Variants in ANTXR2 observed in about 807,000 individuals in gnomAD.
The protein encoded by ANTXR2 is ANTXR cell adhesion molecule 2, also known as anthrax toxin receptor 2.
ANTXR2 carries 44 observed loss-of-function variants against 73.7 expected under a neutral mutation model. The ratio of observed to expected loss-of-function variants is 0.60; its 90% CI spans 0.47 to 0.77. ANTXR2 has a LOEUF of 0.77. Among genes scored for constraint, ANTXR2 ranks in the 30% least tolerant of loss-of-function variants. The pLI is 0.00. For missense variants in ANTXR2, 604 were observed against 592.5 expected (o/e 1.02, Z -0.20); for synonymous variants, 217 against 205.9 (o/e 1.05, Z -0.46).
intron 8 of ANTXR2, 117 bp downstream of exon 8, chr4:80,035,855 A>T (rs1468277510): frequency 3.7e-6 from 3 of 813,596 alleles, no homozygotes; most frequent in East Asian, 5.7e-5. Flanking sequence ...TACACAAAAA[A>T]GATGCCAAAA....
At chr4:80,058,382 G>T (rs886812483) in intron 3 of ANTXR2, among the ~76,000 whole-genome samples, 1 of 152,034 alleles carries the variant, frequency 6.6e-6, no homozygotes, top group Non-Finnish European at 1.5e-5. Flanking sequence ...GCAGCTGCAT[G>T]ATCCTAAGAG....
chr4:79,979,663 T>C (rs1450265314), intron 14 of ANTXR2, among the ~76,000 whole-genome samples: 2 of 152,332 alleles, frequency 1.3e-5, no homozygotes, highest in South Asian at 2.1e-4. Context: ...TAAAATTGTT[T>C]TAAACACCAC....
intron 10 of ANTXR2, among the ~76,000 whole-genome samples, chr4:80,027,868 C>T (rs1732511748): frequency 6.6e-6 from 1 of 152,146 alleles, no homozygotes; most frequent in Admixed American, 6.6e-5. Context: ...ACTTGTAATA[C>T]TTGCACATTA....
rs1003271402 is a variant in ANTXR2, at chr4:79,905,673, T to G, written c.*1756A>C. The G allele has an allele frequency of 6.6e-6, 1 of 152,182 alleles. No individual in the cohort carries two copies. The highest frequency in any genetic ancestry group is 1.5e-5 in the Non-Finnish European group (1 of 68,048). 9.4% of individuals were successfully genotyped at this position (152,182 alleles called of 1,614,324 possible). A position where few individuals can be genotyped will look rare whatever the true frequency, so the allele number is the denominator to read the frequency against. ...AGCAAAAGTTTCAAGCTAGAGGATA[T>G]ATATGTATAGAAAATTATATATTTG... is the stretch of plus-strand genomic sequence containing the variant. On this transcript the variant is annotated 3_prime_UTR_variant, in exon 17 of 17. Transcript: ENST00000403729.
chr4:80,038,247 G>GC (rs1733070242), intron 7 of ANTXR2, among the ~76,000 whole-genome samples: 1 of 152,074 alleles, frequency 6.6e-6, no homozygotes, highest in Admixed American at 6.5e-5. Context: ...TCTTCTATCA[G>GC]CACTGACCAT....
rs370645599 is a variant in ANTXR2, at chr4:79,957,972, T to A, written c.1428+19649A>T. On this transcript the variant is annotated intron_variant, in intron 16 of 16. Transcript: ENST00000403729. The stretch of plus-strand genomic sequence containing the variant: ...AGTGAAATATACAACCTTAAAAACA[T>A]AATTTATAGTTTATTATTTAAATGA... Among the ~76,000 whole-genome samples the A allele has an allele frequency of 1.2e-3, 180 of 152,222 alleles. 1 individual carries two copies. The highest frequency in any genetic ancestry group is 4.2e-3 in the African/African-American group (174 of 41,568).
chr4:80,029,343 T>C (rs1262759066), intron 10 of ANTXR2, among the ~76,000 whole-genome samples: 3 of 152,068 alleles, frequency 2.0e-5, no homozygotes, highest in Non-Finnish European at 1.5e-5. Flanking sequence ...CAAGATTTTT[T>C]TTTTCTGCTT....
chr4:80,072,321 C>T (rs896819959), intron 1 of ANTXR2, 88 bp downstream of exon 1: 2 of 1,400,770 alleles, frequency 1.4e-6, no homozygotes, highest in Admixed American at 2.7e-5. Flanking sequence ...CACCACTCCC[C>T]GGGGTGCGCA....
chr4:80,032,535 C>T (rs188721919), intron 9 of ANTXR2, among the ~76,000 whole-genome samples: 1 of 151,838 alleles, frequency 6.6e-6, no homozygotes, highest in East Asian at 1.9e-4. Flanking sequence ...ATGCTAAGAT[C>T]CTTACCATTT....
chr4:79,984,821 CT>C lies in ANTXR2; in HGVS notation c.1083del (p.Glu362ArgfsTer47), dbSNP rs768007628. On this transcript the variant is annotated frameshift_variant, in exon 13 of 17. Transcript: ENST00000403729. LOFTEE classifies it high-confidence loss of function. Reference protein sequence around the residue: ...DPPPPPAPAPKEEEEEPLPTK... With the variant: ...DPPPPPAPAPXEEEEEPLPTK... ...CAGTTTTTTAGGCACTCACTTACCT[CT>C]TTTGGTGCAGGGGCGGGTGGTGGTG... 6.2e-7 allele frequency: 1 copy of C among 1,607,946 alleles called. No homozygotes were observed. Among genetic ancestry groups the C allele is most frequent in the South Asian group, 1.1e-5 (1 of 89,946 alleles).
Position 79,983,949 on chromosome 4 carries a change from T to C in ANTXR2, c.1108A>G (p.Thr370Ala). 6.2e-7 allele frequency: 1 copy of C among 1,601,004 alleles called. No homozygotes were observed. Among genetic ancestry groups the C allele is most frequent in the South Asian group, 1.1e-5 (1 of 87,324 alleles). The change falls in exon 14 of 17, where the codon ACT (threonine) becomes GCT (alanine). Residue 370 changes from threonine to alanine, a missense_variant. Thr to Ala is a moderately conservative substitution (Grantham distance 58, BLOSUM62 0). Transcript: ENST00000403729. Reference sequence around the variant, plus strand: ...GCATCCACAGTTGGCCACTTTTTAGTAGGCAAAGGTTCTTCTTCCTCCTGT... The same window carrying C: ...GCATCCACAGTTGGCCACTTTTTAGCAGGCAAAGGTTCTTCTTCCTCCTGT... ...PKEEEEEPLP[T>A]KKWPTVDASY...
intron 16 of ANTXR2, among the ~76,000 whole-genome samples, chr4:79,927,004 C>CATGTGCATATAT: frequency 7.2e-6 from 1 of 138,334 alleles, no homozygotes; most frequent in African/African-American, 2.7e-5. Context: ...TATATATACA[C>CATGTGCATATAT]GTGTGCATAT....
At chr4:80,038,671 T>C (rs1038117857) in intron 7 of ANTXR2, among the ~76,000 whole-genome samples, 2 of 152,034 alleles carry the variant, frequency 1.3e-5, no homozygotes, top group Non-Finnish European at 2.9e-5. Flanking sequence ...ATATTCATAA[T>C]TATTTTAATA....
chr4:80,000,070 A>G (rs1013943059), intron 12 of ANTXR2, among the ~76,000 whole-genome samples: 1 of 152,058 alleles, frequency 6.6e-6, no homozygotes, highest in Non-Finnish European at 1.5e-5. Context: ...AGAAAGATAT[A>G]TATTTTTTTC....
At chr4:80,069,559 T>C in intron 2 of ANTXR2, 52 bp from the exon 3 acceptor site, 1 of 1,375,484 alleles carries the variant, frequency 7.3e-7, no homozygotes. Context: ...GAAATATTGA[T>C]ACGATACAGA....
rs1404600633 is a variant in ANTXR2, at chr4:80,072,836, C to T, written c.-276G>A. On this transcript the variant is annotated 5_prime_UTR_variant, in exon 1 of 17. Transcript: ENST00000403729. The stretch of plus-strand genomic sequence containing the variant: ...CGATCCAGTCCTCCCCCTCCCGATT[C>T]CGGAGAGTTCCTGCAGACAATGCGG... 1 of 660,092 alleles carries T rather than the reference C, an allele frequency of 1.5e-6. No individual in the cohort carries two copies. The highest frequency in any genetic ancestry group is 2.1e-6 in the Non-Finnish European group (1 of 469,924). 40.9% of individuals were successfully genotyped at this position (660,092 alleles called of 1,614,324 possible).
intron 14 of ANTXR2, among the ~76,000 whole-genome samples, chr4:79,982,540 C>T (rs1729935980): frequency 6.6e-6 from 1 of 152,132 alleles, no homozygotes; most frequent in Admixed American, 6.5e-5. Flanking sequence ...CTTTCCAAGT[C>T]TAGAATGACA....
At chr4:80,015,904 AG>A (rs1731829545) in intron 11 of ANTXR2, among the ~76,000 whole-genome samples, 1 of 85,310 alleles carries the variant, frequency 1.2e-5, no homozygotes, top group African/African-American at 5.2e-5. Context: ...AGGAAAGGAA[AG>A]GAAAGGAAAG....
chr4:79,958,371 ACTT>A (rs1319774493), intron 16 of ANTXR2, among the ~76,000 whole-genome samples: 7 of 152,122 alleles, frequency 4.6e-5, no homozygotes, highest in African/African-American at 1.4e-4. Flanking sequence ...TCCTTCCTAA[ACTT>A]CTTATCTCAT....
Sources: gnomAD v4.1 joint callset for allele counts (sites outside exome capture counted in the v4.1 genomes callset) on GRCh38, gnomAD v4.1.1 for gene constraint, MANE v1.5 for transcripts, NCBI Gene and HGNC (gene_info 2026-07-23, HGNC 2026-07-21) for gene names.